ATP2B2: variants seen among roughly 807,000 people sequenced by gnomAD.
The protein encoded by ATP2B2 is ATPase plasma membrane Ca2+ transporting 2.
A neutral mutation model predicts 120.0 loss-of-function variants in ATP2B2; 15 were observed. The ratio of observed to expected loss-of-function variants is 0.12; its 90% CI spans 0.08 to 0.19. The LOEUF (loss-of-function observed/expected upper bound fraction) is 0.19. ATP2B2 is among the 10% of genes least tolerant of loss of function. The pLI is 1.00. For missense variants in ATP2B2, 1,045 were observed against 1,719.8 expected (o/e 0.61, Z 6.94); for synonymous variants, 694 against 700.3 (o/e 0.99, Z 0.14).
chr3:10,405,988 T>C (rs1483693699), intron 3 of ATP2B2, among the ~76,000 whole-genome samples: 1 of 152,204 alleles, frequency 6.6e-6, no homozygotes, highest in East Asian at 1.9e-4. Context: ...TAGAGGTCTC[T>C]GAGCCAGGTA....
intron 5 of ATP2B2, among the ~76,000 whole-genome samples, chr3:10,389,922 A>G (rs1240130667): frequency 6.6e-6 from 1 of 152,180 alleles, no homozygotes; most frequent in Non-Finnish European, 1.5e-5. Context: ...GCAGCGAGGG[A>G]ATGCGGCACT....
chr3:10,534,907 T>G (rs1006796333), intron 2 of ATP2B2, among the ~76,000 whole-genome samples: 6 of 138,906 alleles, frequency 4.3e-5, no homozygotes, highest in African/African-American at 1.3e-4. Flanking sequence ...GGTTTTTTTT[T>G]TTTTTTTTTT....
intron 2 of ATP2B2, among the ~76,000 whole-genome samples, chr3:10,570,751 T>C (rs575275490): frequency 6.6e-6 from 1 of 152,236 alleles, no homozygotes; most frequent in South Asian, 2.1e-4. Context: ...AAAACTCCAT[T>C]GGCGAGAGGC....
intron 2 of ATP2B2, among the ~76,000 whole-genome samples, chr3:10,550,852 A>G (rs1035757328): frequency 1.9e-4 from 29 of 152,308 alleles, no homozygotes; most frequent in Admixed American, 9.2e-4. Flanking sequence ...GTTCTGGGAG[A>G]GACAGAAGCT....
intron 16 of ATP2B2, among the ~76,000 whole-genome samples, chr3:10,349,816 C>T (rs73811891): frequency 0.057 from 8,681 of 152,204 alleles, 756 homozygotes; most frequent in African/African-American, 0.19. Context: ...ACATAGAACA[C>T]GTCTGTGGGC....
chr3:10,539,777 C>G (rs536258460), intron 2 of ATP2B2, among the ~76,000 whole-genome samples: 130 of 152,230 alleles, frequency 8.5e-4, no homozygotes, highest in African/African-American at 2.6e-3. Flanking sequence ...AGAAGAAAAC[C>G]TAGGCAATAC....
At chr3:10,449,214 A>G (rs1025297922) in intron 2 of ATP2B2, 131 bp downstream of exon 2, 7 of 1,045,314 alleles carry the variant, frequency 6.7e-6, no homozygotes, top group Middle Eastern at 2.9e-4. Context: ...ATGCACTACA[A>G]TGGCCATTCT....
rs372015739 is a variant in ATP2B2 at position 10,338,717 on chromosome 3, T to A, written c.3238-359A>T. 23 of 335,248 alleles carry A rather than the reference T, an allele frequency of 6.9e-5. 1 individual carries two copies. The highest frequency in any genetic ancestry group is 5.0e-4 in the African/African-American group (23 of 46,304). The allele number at this position is 335,248 out of a possible 1,614,324, so 20.8% of individuals were successfully genotyped here. Reference sequence around the variant, plus strand: ...GTCCTGTGGCCTCGGGCAAGTCATTTAACCTCACCGAGCTTTGGTTTTCCT... The same window carrying A: ...GTCCTGTGGCCTCGGGCAAGTCATTAAACCTCACCGAGCTTTGGTTTTCCT... On this transcript the variant is annotated intron_variant, in intron 21 of 22. Coordinates refer to ENST00000360273, the MANE Select transcript of ATP2B2 (RefSeq NM_001001331.4).
In ATP2B2 at chr3:10,358,711, C is replaced by T. The variant is rs1486066765; in HGVS notation, c.2116G>A (p.Glu706Lys). 6.2e-7 allele frequency: 1 copy of T among 1,614,186 alleles called. No homozygotes were observed. Among genetic ancestry groups the T allele is most frequent in the Non-Finnish European group, 8.5e-7 (1 of 1,180,026 alleles). The change falls in exon 14 of 23, where the codon GAG becomes AAG. Residue 706 changes from glutamate to lysine, a missense_variant. By Grantham distance (56) the Glu-to-Lys change is moderately conservative. Around this residue, in one of 11 missense-constraint regions of ATP2B2, gnomAD observed 343 missense variants for 536.8 expected, o/e 0.64. Coordinates refer to ENST00000360273, the MANE Select transcript of ATP2B2 (RefSeq NM_001001331.4). ...ELTCICVVGI[E>K]DPVRPEVPEA... ...CCTACCTCTGGCCGCACCGGGTCCT[C>T]GATGCCCACCACGCAGATGCAGGTG... is the stretch of plus-strand genomic sequence containing the variant.
chr3:10,338,284 G>C lies in ATP2B2; in HGVS notation c.3312C>G (p.Ile1104Met), dbSNP rs376285041. Residue 1104 changes from isoleucine to methionine, a missense_variant, in exon 22 of 23, where the codon ATC (isoleucine) becomes ATG (methionine). Physicochemically the swap from Ile to Met is conservative, Grantham distance 10 (BLOSUM62 1). This residue lies in a region of ATP2B2 where 211 missense variants were observed against 385.1 expected (regional missense o/e 0.55). Coordinates refer to ENST00000360273, the MANE Select transcript of ATP2B2 (RefSeq NM_001001331.4). ...EAGRLTQKEEIPEEELNEDVE... is the reference protein window; with the variant it reads ...EAGRLTQKEEMPEEELNEDVE... ...CGTCCTCGTTGAGCTCCTCCTCCGG[G>C]ATCTCCTCCTTCTGTGTGAGCCTGC... is the stretch of plus-strand genomic sequence containing the variant. 4 of 1,614,092 alleles carry C rather than the reference G, an allele frequency of 2.5e-6. No individual in the cohort carries two copies. In the African/African-American group the frequency reaches 5.3e-5, roughly 22 times the overall value.
At chr3:10,625,892 A>AC (rs2069684811) in intron 1 of ATP2B2, 1 of 152,276 alleles carries the variant, frequency 6.6e-6, no homozygotes, top group South Asian at 2.1e-4. Context: ...GGTAGGATGC[A>AC]GTATCCACCC....
chr3:10,592,930 G>A (rs1168515693), intron 2 of ATP2B2, among the ~76,000 whole-genome samples: 1 of 151,974 alleles, frequency 6.6e-6, no homozygotes, highest in Non-Finnish European at 1.5e-5. Context: ...CTACAGGTAT[G>A]CACCACCACC....
At position 10,402,412 on chromosome 3, in the gene ATP2B2, G is replaced by T. The variant is rs142084374; in HGVS notation, c.398-64C>A. 188 of 1,598,114 alleles carry T rather than the reference G, an allele frequency of 1.2e-4. 1 individual carries two copies. The African/African-American group carries it at 2.3e-3, about 19-fold the overall frequency. ...CAGACAGGAGAGGCCTCATGGGCCT[G>T]GATTTACAGCTCAGCTCTGCAAAGT... is the stretch of plus-strand genomic sequence containing the variant. On this transcript the variant is annotated intron_variant, in intron 3 of 22. Transcript: ENST00000360273. This position sits in a 1 kb window ranked among gnomAD's most constrained non-coding sequence, Gnocchi z 4.9.
chr3:10,408,513 G>T (rs2062495203), intron 3 of ATP2B2, among the ~76,000 whole-genome samples: 1 of 152,188 alleles, frequency 6.6e-6, no homozygotes, highest in Admixed American at 6.5e-5. Flanking sequence ...TTTGATCCCA[G>T]TGAAGCTGGA....
intron 3 of ATP2B2, among the ~76,000 whole-genome samples, chr3:10,406,765 G>A (rs4684690): frequency 0.6 from 91,805 of 152,166 alleles, 28,217 homozygotes; most frequent in South Asian, 0.76. Context: ...CACTCATTGC[G>A]TGTGTGACTC....
intron 2 of ATP2B2, among the ~76,000 whole-genome samples, chr3:10,447,900 G>C (rs954738956): frequency 9.8e-5 from 15 of 152,358 alleles, no homozygotes; most frequent in African/African-American, 3.6e-4. Flanking sequence ...TTCTGCCTGG[G>C]CTCAGGCGAT....
upstream of ATP2B2, among the ~76,000 whole-genome samples, chr3:10,508,389 T>G (rs2066690486): frequency 6.6e-6 from 1 of 152,162 alleles, no homozygotes; most frequent in African/African-American, 2.4e-5. Flanking sequence ...CACTGTATTG[T>G]GATGGTCTAC....
At chr3:10,675,988 GT>G (rs1410668844) in intron 1 of ATP2B2, among the ~76,000 whole-genome samples, 2 of 152,186 alleles carry the variant, frequency 1.3e-5, no homozygotes, top group Non-Finnish European at 2.9e-5. Flanking sequence ...CTTTCCCTTT[GT>G]GATTGGATTA....
chr3:10,564,772 C>T (rs1341939582), intron 2 of ATP2B2, among the ~76,000 whole-genome samples: 1 of 152,196 alleles, frequency 6.6e-6, no homozygotes, highest in Non-Finnish European at 1.5e-5. Context: ...CCAGGTGCTA[C>T]AAGGACATGA....
Sources: gnomAD v4.1 joint callset for allele counts (sites outside exome capture counted in the v4.1 genomes callset) on GRCh38, gnomAD v4.1.1 for gene constraint, gnomAD v4.1.1 regional missense constraint, Gnocchi (gnomAD v3.1) non-coding constraint, MANE v1.5 for transcripts, NCBI Gene and HGNC (gene_info 2026-07-23, HGNC 2026-07-21) for gene names.